STARD8: variants seen among roughly 807,000 people sequenced by gnomAD.
STARD8 encodes stAR-related lipid transfer protein 8.
In STARD8, 25 loss-of-function variants were observed where a neutral mutation model predicts 69.4. That is an observed-to-expected ratio of 0.36 (90% CI 0.26 to 0.50). STARD8 has a LOEUF of 0.50. STARD8 is among the 20% of genes least tolerant of loss of function. The pLI, the probability that STARD8 is intolerant of heterozygous loss-of-function variation, is 0.96. For missense variants in STARD8, 921 were observed against 932.5 expected (o/e 0.99, Z 0.16); for synonymous variants, 389 against 374.6 (o/e 1.04, Z -0.45).
intron 1 of STARD8, among the ~76,000 whole-genome samples, chrX:68,653,507 TACACACCAC>T (rs1468235022): frequency 2.2e-3 from 16 of 7,242 alleles, no homozygotes; most frequent in South Asian, 0.012. Context: ...ACACACACCA[TACACACCAC>T]ACACACCACA....
rs187166732 is a variant in STARD8, at chrX:68,720,142, T to A, written c.1890-122T>A. 4.9e-6 allele frequency: 4 copies of A among 816,950 alleles called. No individual in the cohort carries two copies. The East Asian group carries it at 1.6e-4, about 34-fold the overall frequency. 67.3% of individuals were successfully genotyped at this position (816,950 alleles called of 1,213,427 possible). On this transcript the variant is annotated intron_variant, in intron 7 of 14. Coordinates refer to ENST00000374599, the MANE Select transcript of STARD8 (RefSeq NM_001142503.3). ...GGGCCCAAAACAGGTGCTCAATGAG[T>A]GTTGACTCTGGGGCAGTGGTGTGTG...
intron 2 of STARD8, among the ~76,000 whole-genome samples, chrX:68,679,793 G>A (rs889741167): frequency 8.9e-6 from 1 of 112,015 alleles, no homozygotes; most frequent in Non-Finnish European, 1.9e-5. Flanking sequence ...GCAGCTGACT[G>A]GGGCCAAATC....
intron 2 of STARD8, among the ~76,000 whole-genome samples, chrX:68,680,172 C>T (rs780656145): frequency 5.4e-5 from 6 of 111,901 alleles, no homozygotes; most frequent in African/African-American, 9.8e-5. Context: ...GACCTGATCT[C>T]GTGAGCTACT....
rs1411977388 is a variant in STARD8, at chrX:68,724,546, C to T, written c.*124C>T. 2 of 528,820 alleles carry T rather than the reference C, an allele frequency of 3.8e-6. No individual in the cohort carries two copies. The highest frequency in any genetic ancestry group is 7.3e-5 in the East Asian group (2 of 27,411). The allele number at this position is 528,820 out of a possible 1,213,427, so 43.6% of individuals were successfully genotyped here. ...GGAGCAGAGCCAGGCCCAGGTGGCT[C>T]CAGCTGCCTGTCCTGTCCCCTTTCC... On this transcript the variant is annotated 3_prime_UTR_variant, in exon 15 of 15. Transcript: ENST00000374599.
At chrX:68,664,197 G>A (rs930096107) in intron 1 of STARD8, among the ~76,000 whole-genome samples, 6 of 111,281 alleles carry the variant, frequency 5.4e-5, no homozygotes, top group African/African-American at 1.3e-4. Context: ...CTACCTCTAA[G>A]AGGTACCCTT....
intron 2 of STARD8, among the ~76,000 whole-genome samples, chrX:68,668,220 CTT>C (rs2079701948): frequency 1.0e-5 from 1 of 99,250 alleles, no homozygotes; most frequent in Admixed American, 1.1e-4. Flanking sequence ...CCTCCTTCTT[CTT>C]TCTCTTTTTT....
In STARD8 at chrX:68,717,838, C is replaced by A. The variant is rs770744326; in HGVS notation, c.924C>A (p.Gly308=). The change falls in exon 6 of 15, where the codon GGC becomes GGA. Residue 308 remains glycine, a synonymous_variant. Transcript: ENST00000374599. The stretch of plus-strand genomic sequence containing the variant: ...ACGTTCCTGGGGACCACAAACCAGG[C>A]ACATTCCCTCGCTCCCTGTCCATTG... ...LVHVPGDHKP[G]TFPRSLSIES... is the part of the protein sequence containing the mutation. The A allele has an allele frequency of 8.3e-7, 1 of 1,210,639 alleles. No homozygotes were observed. Among genetic ancestry groups the A allele is most frequent in the Non-Finnish European group, 1.1e-6 (1 of 894,944 alleles).
chrX:68,683,741 C>G (rs985176893), intron 2 of STARD8, among the ~76,000 whole-genome samples: 1 of 112,642 alleles, frequency 8.9e-6, no homozygotes, highest in Non-Finnish European at 1.9e-5. Context: ...ACATCATCAG[C>G]CCCCCAAGGT....
chrX:68,687,850 G>A (rs183634475), intron 2 of STARD8, among the ~76,000 whole-genome samples: 43 of 112,142 alleles, frequency 3.8e-4, no homozygotes, highest in Non-Finnish European at 5.8e-4. Context: ...CTGTCCTCTG[G>A]GAACTGACCT....
intron 2 of STARD8, among the ~76,000 whole-genome samples, chrX:68,674,224 C>T (rs2079749119): frequency 9.8e-6 from 1 of 102,137 alleles, no homozygotes; most frequent in Non-Finnish European, 2.0e-5. Context: ...AACACAGAGG[C>T]GGAGGTTGCA....
chrX:68,714,906 C>T (rs1212757508), intron 3 of STARD8, among the ~76,000 whole-genome samples: 1 of 111,586 alleles, frequency 9.0e-6, no homozygotes, highest in African/African-American at 3.3e-5. Context: ...CCTGTCCCTT[C>T]TGTCCTTGCT....
intron 2 of STARD8, among the ~76,000 whole-genome samples, chrX:68,671,776 G>C (rs1425667593): frequency 8.9e-6 from 1 of 111,888 alleles, no homozygotes; most frequent in African/African-American, 3.3e-5. Flanking sequence ...CACATCTCAA[G>C]GCAGGAAGGG....
At chrX:68,693,441 C>A (rs1214769057) in intron 2 of STARD8, among the ~76,000 whole-genome samples, 1 of 112,835 alleles carries the variant, frequency 8.9e-6, no homozygotes, top group African/African-American at 3.2e-5. Flanking sequence ...TTTGGGCTTG[C>A]ACCTCCTCCC....
chrX:68,722,700 C>T, intron 12 of STARD8, 54 bp downstream of exon 12: 1 of 1,134,095 alleles, frequency 8.8e-7, no homozygotes, highest in African/African-American at 1.8e-5. Context: ...ATGGTGCAGG[C>T]AAGGGTAGTC....
In STARD8 at chrX:68,717,795, G is replaced by A. The variant is rs150038644; in HGVS notation, c.881G>A (p.Arg294Gln). The stretch of plus-strand genomic sequence containing the variant: ...TTCCGGCATCCTCAGTGGACACACC[G>A]GGGTGATTGCCTGGTGCACGTTCCT... Reference protein sequence around the residue: ...ASFRHPQWTHRGDCLVHVPGD... With the variant: ...ASFRHPQWTHQGDCLVHVPGD... The change falls in exon 6 of 15, where the codon CGG (arginine) becomes CAG (glutamine). Residue 294 changes from arginine (R) to glutamine (Q), a missense_variant. Coordinates refer to ENST00000374599, the MANE Select transcript of STARD8 (RefSeq NM_001142503.3). The A allele has an allele frequency of 5.1e-5, 62 of 1,210,422 alleles. No individual in the cohort carries two copies. Among genetic ancestry groups the A allele is most frequent in the East Asian group, 2.1e-4 (7 of 33,729 alleles).
At chrX:68,693,586 G>A (rs913681209) in intron 2 of STARD8, 27 of 735,024 alleles carry the variant, frequency 3.7e-5, no homozygotes, top group Middle Eastern at 7.8e-4. Flanking sequence ...TGGCCGAGGG[G>A]AGGTGGGCGG....
At chrX:68,673,175 T>C (rs969357456) in intron 2 of STARD8, among the ~76,000 whole-genome samples, 5 of 111,761 alleles carry the variant, frequency 4.5e-5, no homozygotes, top group Admixed American at 2.8e-4. Context: ...CTTTAACCTA[T>C]GGCCCAAGAA....
chrX:68,717,424 A>G lies in STARD8; in HGVS notation c.510A>G (p.Ala170=). The G allele has an allele frequency of 1.7e-6, 2 of 1,210,253 alleles. No homozygotes were observed. The highest frequency in any genetic ancestry group is 2.2e-6 in the Non-Finnish European group (2 of 894,953). ...CCGTGAGCCTACCACCCGAGCCAGC[A>G]GACTTGCCCTTGCCAGGCCGTGCCC... The part of the protein sequence containing the change: ...VITVSLPPEP[A]DLPLPGRAPS... Residue 170 remains alanine (A), a synonymous_variant, in exon 6 of 15, where the codon GCA becomes GCG. Coordinates refer to ENST00000374599, the MANE Select transcript of STARD8 (RefSeq NM_001142503.3).
chrX:68,706,460 G>T (rs917471781), intron 2 of STARD8, among the ~76,000 whole-genome samples: 5 of 111,991 alleles, frequency 4.5e-5, no homozygotes, highest in African/African-American at 1.6e-4. Flanking sequence ...TCAAGGTCAG[G>T]AGGGAAAGTC....
Sources: gnomAD v4.1 joint callset for allele counts (sites outside exome capture counted in the v4.1 genomes callset) on GRCh38, gnomAD v4.1.1 for gene constraint, MANE v1.5 for transcripts, NCBI Gene and HGNC (gene_info 2026-07-23, HGNC 2026-07-21) for gene names.